LPP: variants seen among roughly 807,000 people sequenced by gnomAD.
LPP encodes lipoma-preferred partner.
A neutral mutation model predicts 60.4 loss-of-function variants in LPP; 38 were observed. The observed-to-expected ratio is 0.63, with a 90% CI of 0.49 to 0.83. The LOEUF is 0.83. Ranked by LOEUF, LPP falls within the 40% of genes least tolerant of loss-of-function variation. The pLI is 0.00. For missense variants in LPP, 902 were observed against 783.6 expected, an observed-to-expected ratio of 1.15 and a Z score of -1.80; for synonymous variants, 328 against 290.8, an observed-to-expected ratio of 1.13 and a Z score of -1.30.
At chr3:188,759,864 A>G (rs1436946013) in intron 8 of LPP, among the ~76,000 whole-genome samples, 1 of 152,152 alleles carries the variant, frequency 6.6e-6, no homozygotes. Context: ...TTCTGCAAGA[A>G]CTTAGACTAT....
intron 2 of LPP, among the ~76,000 whole-genome samples, chr3:188,263,128 G>T (rs1193190952): frequency 2.6e-5 from 4 of 152,136 alleles, no homozygotes. Flanking sequence ...GGAATCCTCG[G>T]CCCGGAAATC....
chr3:188,760,377 G>C, intron 9 of LPP, 95 bp downstream of exon 9: 1 of 1,343,446 alleles, frequency 7.4e-7, no homozygotes, highest in Non-Finnish European at 1.0e-6. Context: ...TCAGATCTTT[G>C]CTTCTTCCTA....
intron 7 of LPP, among the ~76,000 whole-genome samples, chr3:188,693,598 C>G (rs976672592): frequency 2.0e-5 from 3 of 152,124 alleles, no homozygotes; most frequent in African/African-American, 7.2e-5. Flanking sequence ...GAGAAACACT[C>G]TTTGTTTGTC....
intron 9 of LPP, among the ~76,000 whole-genome samples, chr3:188,782,811 T>C (rs1740263697): frequency 6.6e-6 from 1 of 151,956 alleles, no homozygotes; most frequent in Admixed American, 6.6e-5. Context: ...ACCTGCGCCT[T>C]GACCCCACCC....
chr3:188,607,404 T>C (rs1381432748), intron 6 of LPP, among the ~76,000 whole-genome samples: 2 of 93,834 alleles, frequency 2.1e-5, no homozygotes, highest in South Asian at 8.5e-4. Context: ...TATATATATA[T>C]ATATATATAT....
chr3:188,862,644 G>A (rs962537897), intron 9 of LPP, among the ~76,000 whole-genome samples: 7 of 150,808 alleles, frequency 4.6e-5, no homozygotes, highest in African/African-American at 1.7e-4. Context: ...TGATATTGAA[G>A]GTTCATAAGC....
At chr3:188,707,142 C>G (rs546161717) in intron 7 of LPP, among the ~76,000 whole-genome samples, 8 of 151,916 alleles carry the variant, frequency 5.3e-5, no homozygotes, top group African/African-American at 1.9e-4. Flanking sequence ...CTGGCTCGCC[C>G]GCCTATTTAT....
rs116199029 is a variant in LPP, at chr3:188,280,963, C to T, written c.-67+55436C>T. On this transcript the variant is annotated intron_variant, in intron 2 of 11. Coordinates refer to ENST00000617246, the MANE Select transcript of LPP (RefSeq NM_001375462.1). ...TTTTTTTTTTTTTTTAAGAGGGAATCTTGCTGTGTTGCCCAGGCTGGAGTG... is the reference window on the plus strand; with the variant it reads ...TTTTTTTTTTTTTTTAAGAGGGAATTTTGCTGTGTTGCCCAGGCTGGAGTG... Among the ~76,000 whole-genome samples the T allele has an allele frequency of 4.0e-3, 561 of 140,912 alleles. 7 individuals are homozygous for T. Among genetic ancestry groups the T allele is most frequent in the African/African-American group, 0.014 (524 of 37,508 alleles). 92.4% of individuals were successfully genotyped at this position (140,912 alleles called of 152,430 possible).
chr3:188,686,374 G>A (rs1318923066), intron 7 of LPP, among the ~76,000 whole-genome samples: 1 of 152,130 alleles, frequency 6.6e-6, no homozygotes, highest in Non-Finnish European at 1.5e-5. Flanking sequence ...ACCCACTTCA[G>A]TTAGTCCCCA....
intron 9 of LPP, among the ~76,000 whole-genome samples, chr3:188,801,622 C>T (rs562390066): frequency 5.9e-5 from 9 of 152,316 alleles, no homozygotes; most frequent in African/African-American, 2.2e-4. Flanking sequence ...TATGTAGACA[C>T]TCAGCTAGTT....
At chr3:188,417,944 C>CAA (rs1210521510) in intron 4 of LPP, among the ~76,000 whole-genome samples, 1 of 152,092 alleles carries the variant, frequency 6.6e-6, no homozygotes, top group Non-Finnish European at 1.5e-5. Context: ...CTTGTTCACA[C>CAA]GTTGGGGTAA....
chr3:188,689,604 T>G (rs1188781633), intron 7 of LPP, among the ~76,000 whole-genome samples: 1 of 152,204 alleles, frequency 6.6e-6, no homozygotes, highest in African/African-American at 2.4e-5. Flanking sequence ...CATAATGTCC[T>G]CCAGGTTTGT....
chr3:188,268,432 GA>G (rs1311581735), intron 2 of LPP, among the ~76,000 whole-genome samples: 6 of 152,246 alleles, frequency 3.9e-5, no homozygotes, highest in African/African-American at 1.4e-4. Flanking sequence ...CCATTTGGTT[GA>G]AGAACATTTG....
chr3:188,210,036 C>T (rs1734277132), intron 1 of LPP, among the ~76,000 whole-genome samples: 2 of 150,590 alleles, frequency 1.3e-5, no homozygotes, highest in South Asian at 2.1e-4. Context: ...ATGGTTTCTG[C>T]ATCCATGGAT....
intron 6 of LPP, among the ~76,000 whole-genome samples, chr3:188,581,310 A>G (rs1836031495): frequency 6.6e-6 from 1 of 152,058 alleles, no homozygotes; most frequent in Admixed American, 6.5e-5. Context: ...ATGTGGACAG[A>G]CTGGCATTTT....
At chr3:188,617,210 G>A (rs4686984) in intron 7 of LPP, among the ~76,000 whole-genome samples, 2 of 151,914 alleles carry the variant, frequency 1.3e-5, no homozygotes, top group African/African-American at 4.8e-5. Flanking sequence ...ACATAGAAGC[G>A]ATTTTCAGAA....
In LPP at chr3:188,578,582, A is replaced by T. The variant is rs1053622027; in HGVS notation, c.430-30579A>T. ...TCTTACTTTTTAAAGGGGAAATATT[A>T]TCTCTCACTTTAAGGAAACTAACTT... On this transcript the variant is annotated intron_variant, in intron 6 of 11. Coordinates refer to ENST00000617246, the MANE Select transcript of LPP (RefSeq NM_001375462.1). Among the ~76,000 whole-genome samples the T allele has an allele frequency of 2.0e-5, 3 of 151,742 alleles. No homozygotes were observed. The East Asian group carries it at 5.8e-4, about 29-fold the overall frequency.
At chr3:188,770,182 T>TTTTTTTTTTTTTTTTTTTTTG (rs1244420770) in intron 9 of LPP, among the ~76,000 whole-genome samples, 1 of 138,764 alleles carries the variant, frequency 7.2e-6, no homozygotes, top group African/African-American at 2.7e-5. Flanking sequence ...TTTTTTTTTT[T>TTTTTTTTTTTTTTTTTTTTTG]TTTTTTTTTT....
intron 7 of LPP, among the ~76,000 whole-genome samples, chr3:188,661,319 G>A (rs1268237691): frequency 6.6e-6 from 1 of 152,154 alleles, no homozygotes. Context: ...TGGTTTCTTT[G>A]TAGACATATA....
Sources: gnomAD v4.1 joint callset for allele counts (sites outside exome capture counted in the v4.1 genomes callset) on GRCh38, gnomAD v4.1.1 for gene constraint, MANE v1.5 for transcripts, NCBI Gene and HGNC (gene_info 2026-07-23, HGNC 2026-07-21) for gene names.